The following NRIP3 variants were observed in gnomAD, a reference collection of about 807,000 sequenced individuals.
The protein encoded by NRIP3 is nuclear receptor interacting protein 3.
In NRIP3, 31 loss-of-function variants were observed where a neutral mutation model predicts 29.0. That is an observed-to-expected ratio of 1.07 (90% CI 0.80 to 1.44). NRIP3 has a LOEUF of 1.44. NRIP3 is among the 40% of genes most tolerant of loss of function. NRIP3 has a pLI of 0.00. For missense variants in NRIP3, 314 were observed against 297.9 expected (o/e 1.05, Z -0.40); for synonymous variants, 131 against 118.3 (o/e 1.11, Z -0.70).
chr11:8,985,678 G>T (rs762889463), intron 4 of NRIP3, 33 bp downstream of exon 4: 2 of 1,604,326 alleles, frequency 1.2e-6, no homozygotes, highest in Non-Finnish European at 1.7e-6. Flanking sequence ...GTTTCCGTTA[G>T]GGTCCATAGG....
chr11:9,000,590 C>T (rs1422760627), intron 1 of NRIP3, among the ~76,000 whole-genome samples: 5 of 152,122 alleles, frequency 3.3e-5, no homozygotes, highest in Admixed American at 2.0e-4. Flanking sequence ...CTAATGCCTA[C>T]AGGTAAGTAT....
At chr11:8,983,717 G>T in intron 6 of NRIP3, 157 bp from the exon 7 acceptor site, 1 of 871,756 alleles carries the variant, frequency 1.1e-6, no homozygotes, top group Non-Finnish European at 1.9e-6. Flanking sequence ...AGAGTTTTGT[G>T]GGGTGATGAA....
rs35481824 is a variant in NRIP3, at chr11:8,982,829, CTTTTTTTT to C, written c.*708_*715del. The C allele has an allele frequency of 3.6e-6, 1 of 277,916 alleles. No individual in the cohort carries two copies. Among genetic ancestry groups the C allele is most frequent in the Non-Finnish European group, 7.0e-6 (1 of 142,712 alleles). 17.2% of individuals were successfully genotyped at this position (277,916 alleles called of 1,614,324 possible). A position where few individuals can be genotyped will look rare whatever the true frequency, so the allele number is the denominator to read the frequency against. On this transcript the variant is annotated 3_prime_UTR_variant, in exon 7 of 7. Transcript: ENST00000309166. ...AGAGAATATTCCTCCCATGCTCTGC[CTTTTTTTT>C]TTTTTTTTTAACACATTCTCACCTC...
chr11:8,983,542 T>C lies in NRIP3; in HGVS notation c.*3A>G. On this transcript the variant is annotated 3_prime_UTR_variant, in exon 7 of 7. Transcript: ENST00000309166. ...ACACGTGCAGACATGCTGCAGGCTG[T>C]AGTTATGCTTCTGAAGTGCTGAAAT... 8 of 1,613,740 alleles carry C rather than the reference T, an allele frequency of 5.0e-6. No homozygotes were observed. Among genetic ancestry groups the C allele is most frequent in the South Asian group, 3.3e-5 (3 of 91,052 alleles).
chr11:8,983,602 CAA>C, intron 6 of NRIP3, 42 bp from the exon 7 acceptor site: 8 of 1,598,704 alleles, frequency 5.0e-6, no homozygotes, highest in Non-Finnish European at 6.8e-6. Context: ...ATGCCAAATT[CAA>C]AAAAAGTTAA....
chr11:8,995,340 A>C (rs1854683389), intron 1 of NRIP3, among the ~76,000 whole-genome samples: 1 of 152,194 alleles, frequency 6.6e-6, no homozygotes, highest in African/African-American at 2.4e-5. Flanking sequence ...TATGAGCATT[A>C]CTTTTCTCCA....
At chr11:8,996,200 C>G (rs984747831) in intron 1 of NRIP3, among the ~76,000 whole-genome samples, 2 of 151,738 alleles carry the variant, frequency 1.3e-5, no homozygotes, top group African/African-American at 2.4e-5. Flanking sequence ...GTCTTGATTT[C>G]AGCTATATCC....
chr11:8,981,910 T>C lies in NRIP3; in HGVS notation c.*1635A>G, dbSNP rs149700994. ...TGATAGTCACCAAGTTCCTAGGCTTTAGGGAGCTTCTGTGAGGCCCAAATC... is the reference window on the plus strand; with the variant it reads ...TGATAGTCACCAAGTTCCTAGGCTTCAGGGAGCTTCTGTGAGGCCCAAATC... On this transcript the variant is annotated 3_prime_UTR_variant, in exon 7 of 7. Transcript: ENST00000309166. 2 of 152,314 alleles carry C rather than the reference T, an allele frequency of 1.3e-5. No individual in the cohort carries two copies. Among genetic ancestry groups the C allele is most frequent in the East Asian group, 3.9e-4 (2 of 5,184 alleles). The allele number at this position is 152,314 out of a possible 1,614,324, so 9.4% of individuals were successfully genotyped here.
At chr11:9,000,299 T>C (rs1342550021) in intron 1 of NRIP3, among the ~76,000 whole-genome samples, 3 of 152,230 alleles carry the variant, frequency 2.0e-5, no homozygotes, top group Non-Finnish European at 2.9e-5. Context: ...CTTGGTGTTA[T>C]ACTGGTATTT....
chr11:9,002,620 G>GAAAAAAAAAAAAAAAAAAA, intron 1 of NRIP3, among the ~76,000 whole-genome samples: 1 of 113,130 alleles, frequency 8.8e-6, no homozygotes, highest in Non-Finnish European at 1.9e-5. Flanking sequence ...AAAAAAAAAG[G>GAAAAAAAAAAAAAAAAAAA]AAATGGATGC....
chr11:8,993,936 T>A (rs1424633015), intron 1 of NRIP3, among the ~76,000 whole-genome samples: 1 of 152,132 alleles, frequency 6.6e-6, no homozygotes, highest in East Asian at 1.9e-4. Context: ...TTTAAATTTT[T>A]AAAAGTTTTA....
intron 1 of NRIP3, among the ~76,000 whole-genome samples, chr11:9,003,529 A>G (rs557346940): frequency 8.5e-5 from 13 of 152,348 alleles, no homozygotes; most frequent in Middle Eastern, 3.4e-3. Flanking sequence ...GAGAAGAGAC[A>G]TCCAGGGAGG....
At chr11:8,990,060 T>C (rs1854574600) in intron 1 of NRIP3, among the ~76,000 whole-genome samples, 1 of 152,212 alleles carries the variant, frequency 6.6e-6, no homozygotes, top group Non-Finnish European at 1.5e-5. Flanking sequence ...TCTGAAATCA[T>C]TATGCTTGAA....
In NRIP3 at chr11:8,982,696, T is replaced by A. The variant is rs1004477205; in HGVS notation, c.*849A>T. On this transcript the variant is annotated 3_prime_UTR_variant, in exon 7 of 7. Coordinates refer to ENST00000309166, the MANE Select transcript of NRIP3 (RefSeq NM_020645.3). ...TTCATTCATCTTTGTACGCTCGTTT[T>A]TAGGCACCAAGATGAGGGCCTAAAT... 3 of 241,070 alleles carry A rather than the reference T, an allele frequency of 1.2e-5. No individual in the cohort carries two copies. The South Asian group carries it at 1.5e-4, about 12-fold the overall frequency. The allele number at this position is 241,070 out of a possible 1,614,324, so 14.9% of individuals were successfully genotyped here.
At chr11:8,987,019 C>T (rs1854531105) in intron 3 of NRIP3, among the ~76,000 whole-genome samples, 1 of 152,120 alleles carries the variant, frequency 6.6e-6, no homozygotes, top group Non-Finnish European at 1.5e-5. Context: ...CTCCGCCACA[C>T]AAAACAAACA....
chr11:8,997,847 A>G (rs1179429834), intron 1 of NRIP3, among the ~76,000 whole-genome samples: 1 of 152,236 alleles, frequency 6.6e-6, no homozygotes, highest in African/African-American at 2.4e-5. Context: ...CAAGCTACCC[A>G]GACAGAAACT....
intron 2 of NRIP3, 51 bp from the exon 3 acceptor site, chr11:8,987,681 A>C: frequency 7.3e-7 from 1 of 1,370,140 alleles, no homozygotes; most frequent in South Asian, 1.2e-5. Context: ...GCGAAAGGGA[A>C]AGGAGATGCA....
chr11:9,002,440 C>G (rs1279021132), intron 1 of NRIP3, among the ~76,000 whole-genome samples: 1 of 150,756 alleles, frequency 6.6e-6, no homozygotes, highest in African/African-American at 2.4e-5. Flanking sequence ...CAAAACAAAA[C>G]AAAAAAACAC....
rs183777959 is a variant in NRIP3 at position 9,000,931 on chromosome 11, T to G, written c.174+2831A>C. ...AAAAAATACAAAAGTTAGATTGGTG[T>G]TGTGGTGTGCACCTGTAATCCTAGC... On this transcript the variant is annotated intron_variant, in intron 1 of 6. Transcript: ENST00000309166. Among the ~76,000 whole-genome samples the G allele has an allele frequency of 1.2e-3, 187 of 152,206 alleles. 1 individual carries two copies. Among genetic ancestry groups the G allele is most frequent in the Non-Finnish European group, 2.3e-3 (156 of 67,998 alleles).
Sources: gnomAD v4.1 joint callset for allele counts (sites outside exome capture counted in the v4.1 genomes callset) on GRCh38, gnomAD v4.1.1 for gene constraint, MANE v1.5 for transcripts, NCBI Gene and HGNC (gene_info 2026-07-23, HGNC 2026-07-21) for gene names.